Variants in DMD observed in about 807,000 individuals in gnomAD.
DMD encodes dystrophin, also known as mutant dystrophin.
Under a neutral mutation model 330.1 loss-of-function variants are expected in DMD, and 63 were observed. The ratio of observed to expected loss-of-function variants is 0.19; its 90% CI spans 0.16 to 0.24. DMD has a LOEUF of 0.24. DMD is among the 10% of genes least tolerant of loss of function. The pLI is 1.00. For synonymous variants in DMD, 1,223 were observed against 959.8 expected, an observed-to-expected ratio of 1.27 and a Z score of -5.07; for missense variants, 3,344 against 2,684.1, an observed-to-expected ratio of 1.25 and a Z score of -5.43.
intron 1 of DMD, among the ~76,000 whole-genome samples, chrX:33,031,400 A>G (rs970150278): frequency 5.4e-5 from 6 of 111,042 alleles, no homozygotes; most frequent in African/African-American, 2.0e-4. Context: ...CCATAGGAGC[A>G]TCGTTATTGT....
At chrX:32,081,045 A>T (rs1330149609) in intron 44 of DMD, among the ~76,000 whole-genome samples, 1 of 112,049 alleles carries the variant, frequency 8.9e-6, no homozygotes, top group South Asian at 3.7e-4. Flanking sequence ...ACATGGGAAG[A>T]TAGGCAGTCT....
intron 62 of DMD, among the ~76,000 whole-genome samples, chrX:31,298,847 G>A: frequency 8.9e-6 from 1 of 111,740 alleles, no homozygotes; most frequent in Non-Finnish European, 1.9e-5. Context: ...GATCCACATT[G>A]CAATTTTTAA....
chrX:32,491,691 G>A (rs889276386), intron 19 of DMD, among the ~76,000 whole-genome samples, 173 bp from the exon 20 acceptor site: 1 of 111,654 alleles, frequency 9.0e-6, no homozygotes, highest in Non-Finnish European at 1.9e-5. Flanking sequence ...TATTCAATGT[G>A]AATTATCAGA....
At chrX:31,889,295 C>T (rs921978073) in intron 47 of DMD, among the ~76,000 whole-genome samples, 1 of 111,472 alleles carries the variant, frequency 9.0e-6, no homozygotes, top group Non-Finnish European at 1.9e-5. Context: ...AAGCATCTAA[C>T]TCCATGGTCA....
intron 55 of DMD, among the ~76,000 whole-genome samples, chrX:31,612,861 C>T (rs1466214554): frequency 8.9e-6 from 1 of 111,953 alleles, no homozygotes; most frequent in African/African-American, 3.2e-5. Context: ...GCTTTTAAGT[C>T]AGAAGGGAAG....
chrX:32,454,645 T>TC lies in DMD; in HGVS notation c.3603+16dup. On this transcript the variant is annotated intron_variant, in intron 26 of 78. Coordinates refer to ENST00000357033, the MANE Select transcript of DMD (RefSeq NM_004006.3). ...TATTTCCTTTGTTTTACTTAGTTTT[T>TC]CTTTTTTTTTTTTTACCTTCATCTC... 2.1e-6 allele frequency: 2 copies of TC among 956,665 alleles called. No homozygotes were observed. Among genetic ancestry groups the TC allele is most frequent in the Non-Finnish European group, 2.9e-6 (2 of 698,281 alleles). The allele number at this position is 956,665 out of a possible 1,213,427, so 78.8% of individuals were successfully genotyped here.
chrX:32,274,702 A>T (rs1288530640), intron 43 of DMD, among the ~76,000 whole-genome samples: 1 of 112,539 alleles, frequency 8.9e-6, no homozygotes, highest in African/African-American at 3.2e-5. Context: ...ATTTAAAACT[A>T]AACAAGGAAA....
In DMD at chrX:31,515,365, T is replaced by G. The variant is rs2072086118; in HGVS notation, c.8218-7912A>C. On this transcript the variant is annotated intron_variant, in intron 55 of 78. Coordinates refer to ENST00000357033, the MANE Select transcript of DMD (RefSeq NM_004006.3). ...TCCCCATTTTAATATAGCTGAGAAG[T>G]AAGGAAACAAACACAATGGTGTAGA... Among the ~76,000 whole-genome samples, 4 of 111,354 alleles carry G rather than the reference T, an allele frequency of 3.6e-5. No individual in the cohort carries two copies. In the Admixed American group the frequency reaches 3.8e-4, roughly 11 times the overall value.
At chrX:33,084,262 G>C (rs1052118512) in intron 1 of DMD, among the ~76,000 whole-genome samples, 1 of 111,958 alleles carries the variant, frequency 8.9e-6, no homozygotes, top group African/African-American at 3.2e-5. Context: ...GCAATCCTGG[G>C]TGAGCCCCCA....
chrX:32,708,901 A>C (rs1453516198), intron 7 of DMD, among the ~76,000 whole-genome samples: 1 of 111,669 alleles, frequency 9.0e-6, no homozygotes, highest in Non-Finnish European at 1.9e-5. Context: ...AAAATAACTG[A>C]TGGCGAATTA....
chrX:31,284,566 C>CTTCTTCTTCTTCTTCTTCTTCTTCCTTCT (rs2052923985), intron 62 of DMD, among the ~76,000 whole-genome samples: 1 of 56,050 alleles, frequency 1.8e-5, no homozygotes, highest in African/African-American at 7.2e-5. Context: ...GTTTCTTCTT[C>CTTCTTCTTCTTCTTCTTCTTCTTCCTTCT]TTCTTCTTCT....
chrX:31,651,623 C>G (rs1336945101), intron 54 of DMD, among the ~76,000 whole-genome samples: 1 of 111,279 alleles, frequency 9.0e-6, no homozygotes, highest in Non-Finnish European at 1.9e-5. Context: ...ACTCCTGGAG[C>G]CTTCCCCATC....
rs780896933 is a variant in DMD at position 32,468,631 on chromosome X, G to T, written c.3029C>A (p.Ala1010Glu). The change falls in exon 23 of 79, where the codon GCG becomes GAG. Residue 1010 changes from alanine to glutamate, a missense_variant. Transcript: ENST00000357033. ...ATATTTCCGGCTAATTTCAGAGGGC[G>T]CTTTCTTCGACATCTCTTTCACAGT... ...STTVKEMSKK[A>E]PSEISRKYQS... 1.7e-6 allele frequency: 2 copies of T among 1,209,080 alleles called. No individual in the cohort carries two copies. The highest frequency in any genetic ancestry group is 2.2e-6 in the Non-Finnish European group (2 of 894,730).
chrX:31,890,337 T>C (rs1753032406), intron 47 of DMD, among the ~76,000 whole-genome samples: 2 of 97,739 alleles, frequency 2.0e-5, no homozygotes, highest in African/African-American at 3.8e-5. Flanking sequence ...CATAGTGAGA[T>C]TGTTGTTTCA....
chrX:31,878,831 T>A (rs1391488739), intron 47 of DMD, among the ~76,000 whole-genome samples: 1 of 112,213 alleles, frequency 8.9e-6, no homozygotes, highest in East Asian at 2.8e-4. Flanking sequence ...TGGCAAAAAT[T>A]CAAGTCTGCA....
At chrX:32,292,343 C>T (rs1419342209) in intron 42 of DMD, among the ~76,000 whole-genome samples, 3 of 71,644 alleles carry the variant, frequency 4.2e-5, no homozygotes, top group African/African-American at 1.8e-4. Context: ...CTCTGTCACC[C>T]AGGCTGGAGT....
intron 76 of DMD, among the ~76,000 whole-genome samples, chrX:31,135,997 CTT>C (rs60520155): frequency 0.02 from 2,064 of 102,269 alleles, 49 homozygotes; most frequent in African/African-American, 0.062. Context: ...GCATTTATTC[CTT>C]TTTTTTTTTT....
rs148575243 is a variant in DMD at position 31,915,567 on chromosome X, T to C, written c.6912+14029A>G. Among the ~76,000 whole-genome samples the C allele has an allele frequency of 8.5e-3, 951 of 112,018 alleles. 12 individuals are homozygous for C. The highest frequency in any genetic ancestry group is 0.029 in the African/African-American group (898 of 30,814). ...TGTAAGATCCATAAAGACAAGTGTCTGTCTGTTCATAACTCTATCCTCATT... is the reference window on the plus strand; with the variant it reads ...TGTAAGATCCATAAAGACAAGTGTCCGTCTGTTCATAACTCTATCCTCATT... On this transcript the variant is annotated intron_variant, in intron 47 of 78. Coordinates refer to ENST00000357033, the MANE Select transcript of DMD (RefSeq NM_004006.3).
Position 32,695,961 on chromosome X carries a change from T to C in DMD, c.960+1909A>G, listed in dbSNP as rs745776324. 1.6e-3 allele frequency among the ~76,000 whole-genome samples: 184 copies of C among 111,752 alleles called. 1 individual carries two copies. The highest frequency in any genetic ancestry group is 5.9e-3 in the African/African-American group (180 of 30,767). ...ATCAGTGGTAGAAAGTTAGGAGAGC[T>C]GAATAAAAGCCATTTGTCTCTGTGA... On this transcript the variant is annotated intron_variant, in intron 9 of 78. Coordinates refer to ENST00000357033, the MANE Select transcript of DMD (RefSeq NM_004006.3).
Sources: gnomAD v4.1 joint callset for allele counts (sites outside exome capture counted in the v4.1 genomes callset) on GRCh38, gnomAD v4.1.1 for gene constraint, MANE v1.5 for transcripts, NCBI Gene and HGNC (gene_info 2026-07-23, HGNC 2026-07-21) for gene names.